SLC7A2: variants seen among roughly 807,000 people sequenced by gnomAD.
SLC7A2 encodes solute carrier family 7 member 2, also known as cationic amino acid transporter 2.
SLC7A2 carries 48 observed loss-of-function variants against 58.9 expected under a neutral mutation model. That is an observed-to-expected ratio of 0.82 (90% CI 0.65 to 1.04). The LOEUF is 1.04. SLC7A2 is among the 50% of genes least tolerant of loss of function. SLC7A2 has a pLI of 0.00. For synonymous variants in SLC7A2, 363 were observed against 314.5 expected, an observed-to-expected ratio of 1.15 and a Z score of -1.63; for missense variants, 1,029 against 818.8, an observed-to-expected ratio of 1.26 and a Z score of -3.13.
intron 2 of SLC7A2, 62 bp from the exon 3 acceptor site, chr8:17,543,256 A>T: frequency 1.4e-6 from 2 of 1,440,624 alleles, no homozygotes; most frequent in Admixed American, 2.1e-5. Flanking sequence ...CCTGGAAGCT[A>T]GGTTACCAAA....
In SLC7A2 at chr8:17,544,622, A is replaced by G. The variant is rs1334880959; in HGVS notation, c.532+16A>G. The G allele has an allele frequency of 1.2e-6, 2 of 1,611,896 alleles. No homozygotes were observed. The highest frequency in any genetic ancestry group is 3.3e-5 in the Admixed American group (2 of 59,898). On this transcript the variant is annotated intron_variant, in intron 4 of 12. Transcript: ENST00000494857. ...CTTCTAGCAGGTAAGAAAACCAGTT[A>G]TGAGTCTCTGCAGAATGAGCCACAC...
intron 11 of SLC7A2, among the ~76,000 whole-genome samples, chr8:17,563,268 T>C (rs2150784584): frequency 6.6e-6 from 1 of 152,330 alleles, no homozygotes; most frequent in Non-Finnish European, 1.5e-5. Context: ...CCTGGGAGGA[T>C]GTACCTGGGA....
In SLC7A2 at chr8:17,543,599, C is replaced by G; in HGVS notation, c.260C>G (p.Ala87Gly). 6.2e-7 allele frequency: 1 copy of G among 1,606,134 alleles called. No individual in the cohort carries two copies. Among genetic ancestry groups the G allele is most frequent in the Non-Finnish European group, 8.5e-7 (1 of 1,176,178 alleles). Residue 87 changes from alanine to glycine, a missense_variant, in exon 3 of 13, where the codon GCC becomes GGC. Ala to Gly is a moderately conservative substitution (Grantham distance 60, BLOSUM62 0). Transcript: ENST00000494857. ...TCAGTGATGGCTGGCCTCTGCTATGCCGAATTTGGGGCCCGTGTTCCCAAG... is the reference window on the plus strand; with the variant it reads ...TCAGTGATGGCTGGCCTCTGCTATGGCGAATTTGGGGCCCGTGTTCCCAAG... ...LASVMAGLCY[A>G]EFGARVPKTG...
intron 2 of SLC7A2, among the ~76,000 whole-genome samples, chr8:17,531,735 T>C (rs1309490311): frequency 6.6e-6 from 1 of 152,148 alleles, no homozygotes; most frequent in Non-Finnish European, 1.5e-5. Context: ...GGTTTTTTTT[T>C]CTACTTATCA....
intron 2 of SLC7A2, among the ~76,000 whole-genome samples, chr8:17,530,171 G>A (rs544514624): frequency 6.6e-6 from 1 of 151,984 alleles, no homozygotes; most frequent in East Asian, 1.9e-4. Context: ...AATTTTCTAC[G>A]TTCCCCCCTG....
intron 6 of SLC7A2, among the ~76,000 whole-genome samples, chr8:17,551,383 G>C (rs902810450): frequency 1.2e-4 from 18 of 152,306 alleles, no homozygotes; most frequent in Admixed American, 1.2e-3. Context: ...TGGATCACTT[G>C]AGGCCAGGAA....
chr8:17,510,472 C>T (rs1367235453), intron 2 of SLC7A2: 1 of 152,192 alleles, frequency 6.6e-6, no homozygotes, highest in Non-Finnish European at 1.5e-5. Context: ...GTTCCTATTT[C>T]TCCACAGCCT....
Position 17,528,583 on chromosome 8 carries a change from C to T in SLC7A2, c.-22-14735C>T, listed in dbSNP as rs992352146. On this transcript the variant is annotated intron_variant, in intron 2 of 12. Transcript: ENST00000494857. ...TTATAGAAACGGGGTTTTGCTCTGT[C>T]GTTCAGGCTGGTCTCAAACTCCTAG... Among the ~76,000 whole-genome samples, 3 of 151,966 alleles carry T rather than the reference C, an allele frequency of 2.0e-5. No homozygotes were observed. In the South Asian group the frequency reaches 6.2e-4, roughly 32 times the overall value.
chr8:17,522,022 G>T (rs1231358477), intron 2 of SLC7A2, among the ~76,000 whole-genome samples: 1 of 152,160 alleles, frequency 6.6e-6, no homozygotes, highest in African/African-American at 2.4e-5. Flanking sequence ...AGCCTCCTAG[G>T]TAAGAGGAGG....
intron 2 of SLC7A2, among the ~76,000 whole-genome samples, chr8:17,541,749 A>G (rs1801922017): frequency 6.6e-6 from 1 of 152,222 alleles, no homozygotes; most frequent in Non-Finnish European, 1.5e-5. Flanking sequence ...ACAAATTAGA[A>G]ATAGGTATTA....
At chr8:17,550,196 A>G (rs1802378832) in intron 5 of SLC7A2, 105 bp from the exon 6 acceptor site, 4 of 1,014,604 alleles carry the variant, frequency 3.9e-6, no homozygotes, top group Non-Finnish European at 4.4e-6. Context: ...ATCTTCAAAG[A>G]GCTAATAAAC....
chr8:17,514,873 T>C (rs1292056600), intron 2 of SLC7A2, among the ~76,000 whole-genome samples: 1 of 152,212 alleles, frequency 6.6e-6, no homozygotes, highest in Admixed American at 6.5e-5. Context: ...AATCTTCTCT[T>C]AGTTTAGAAT....
chr8:17,530,506 G>C (rs1801404606), intron 2 of SLC7A2, among the ~76,000 whole-genome samples: 1 of 152,048 alleles, frequency 6.6e-6, no homozygotes, highest in South Asian at 2.1e-4. Flanking sequence ...GGGATGGTTT[G>C]GAAACCCAGG....
chr8:17,543,761 GCAGCCCTGAGTCA>G, intron 3 of SLC7A2, 46 bp downstream of exon 3: 1 of 1,490,698 alleles, frequency 6.7e-7, no homozygotes, highest in Non-Finnish European at 9.0e-7. Flanking sequence ...GGAAGAAATC[GCAGCCCTGAGTCA>G]CAGCCCTTAG....
At chr8:17,495,149 T>C (rs1314021984), upstream of SLC7A2, among the ~76,000 whole-genome samples, 3 of 152,262 alleles carry the variant, frequency 2.0e-5, no homozygotes, top group Non-Finnish European at 4.4e-5. Context: ...TTTCTTTCTT[T>C]ATTTTAATCA....
intron 2 of SLC7A2, among the ~76,000 whole-genome samples, chr8:17,510,193 C>T (rs1800545087): frequency 6.6e-6 from 1 of 151,790 alleles, no homozygotes; most frequent in Non-Finnish European, 1.5e-5. Flanking sequence ...GCACTCCAGC[C>T]TGGGTGACAG....
chr8:17,504,387 A>T (rs1278578940), intron 2 of SLC7A2, among the ~76,000 whole-genome samples: 5 of 152,172 alleles, frequency 3.3e-5, no homozygotes, highest in African/African-American at 4.8e-5. Context: ...GTTGCACTTT[A>T]AATTATTTCA....
intron 8 of SLC7A2, among the ~76,000 whole-genome samples, chr8:17,557,635 C>A (rs1585264203): frequency 6.6e-6 from 1 of 152,184 alleles, no homozygotes; most frequent in African/African-American, 2.4e-5. Context: ...CGAGACCAGC[C>A]TGACCAACAT....
At chr8:17,542,741 G>T (rs1269260234) in intron 2 of SLC7A2, among the ~76,000 whole-genome samples, 2 of 152,102 alleles carry the variant, frequency 1.3e-5, no homozygotes, top group East Asian at 1.9e-4. Context: ...TCCTTTCCTT[G>T]TAGTGAGAAT....
Sources: gnomAD v4.1 joint callset for allele counts (sites outside exome capture counted in the v4.1 genomes callset) on GRCh38, gnomAD v4.1.1 for gene constraint, MANE v1.5 for transcripts, NCBI Gene and HGNC (gene_info 2026-07-23, HGNC 2026-07-21) for gene names.